The following KDM2B variants were observed in gnomAD, a reference collection of about 807,000 sequenced individuals.
The protein encoded by KDM2B is lysine demethylase 2B, also known as lysine-specific demethylase 2B.
In KDM2B, 26 loss-of-function variants were observed where a neutral mutation model predicts 150.0. The observed-to-expected ratio is 0.17, with a 90% confidence interval of 0.13 to 0.24. The LOEUF (loss-of-function observed/expected upper bound fraction) is 0.24. Ranked by LOEUF, KDM2B falls within the 10% of genes least tolerant of loss-of-function variation. The pLI is 1.00. For synonymous variants in KDM2B, 734 were observed against 729.5 expected (o/e 1.01, Z -0.10); for missense variants, 1,265 against 1,816.9 (o/e 0.70, Z 5.52).
rs971161285 is a variant in KDM2B at position 121,429,196 on chromosome 12, T to C, written c.*1092A>G. Reference sequence around the variant, plus strand: ...TTCAAGAGTGGTTTTTTTTGTACAATTGTTTATACAAATTCAACAAAGGTA... The same window carrying C: ...TTCAAGAGTGGTTTTTTTTGTACAACTGTTTATACAAATTCAACAAAGGTA... On this transcript the variant is annotated 3_prime_UTR_variant, in exon 23 of 23. Transcript: ENST00000377071. 1 of 152,582 alleles carries C rather than the reference T, an allele frequency of 6.6e-6. No homozygotes were observed. Among genetic ancestry groups the C allele is most frequent in the Non-Finnish European group, 1.5e-5 (1 of 68,030 alleles). 9.5% of individuals were successfully genotyped at this position (152,582 alleles called of 1,614,324 possible). A position where few individuals can be genotyped will look rare whatever the true frequency, so the allele number is the denominator to read the frequency against.
chr12:121,442,405 C>T lies in KDM2B; in HGVS notation c.3036G>A (p.Leu1012=). The T allele has an allele frequency of 6.3e-7, 1 of 1,597,016 alleles. No individual in the cohort carries two copies. Among genetic ancestry groups the T allele is most frequent in the Non-Finnish European group, 8.5e-7 (1 of 1,175,568 alleles). ...NGTPRELRHQ[L]GPSLRSPPRV... ...GGGGCGGGCTGCGCAGGCTGGGCCC[C>T]AGCTGGTGCCGCAGCTCCCGGGGGG... The change falls in exon 19 of 23, where the codon CTG becomes CTA. Residue 1012 remains leucine (L), a synonymous_variant. Transcript: ENST00000377071. This position sits in a 1 kb window ranked among gnomAD's most constrained non-coding sequence, Gnocchi z 7.7.
At chr12:121,431,797 G>A (rs1291730015) in intron 22 of KDM2B, among the ~76,000 whole-genome samples, 2 of 152,068 alleles carry the variant, frequency 1.3e-5, no homozygotes, top group Non-Finnish European at 2.9e-5. Context: ...CACAAGTGAA[G>A]GCCCTGCTTT....
intron 12 of KDM2B, among the ~76,000 whole-genome samples, chr12:121,457,739 TACACACACACACACACAC>T (rs138823282): frequency 2.1e-5 from 3 of 144,994 alleles, no homozygotes; most frequent in Non-Finnish European, 3.1e-5. Flanking sequence ...ATCGGAAACA[TACACACACACACACACAC>T]ACACACACAC....
At chr12:121,545,090 T>C (rs1888922135) in intron 6 of KDM2B, among the ~76,000 whole-genome samples, 1 of 152,174 alleles carries the variant, frequency 6.6e-6, no homozygotes, top group South Asian at 2.1e-4. Flanking sequence ...GAAAGCTCCA[T>C]GATTTCTAGA....
At chr12:121,476,300 A>G (rs1881368777) in intron 12 of KDM2B, among the ~76,000 whole-genome samples, 1 of 151,950 alleles carries the variant, frequency 6.6e-6, no homozygotes, top group Admixed American at 6.6e-5. Context: ...CGCCTCAAAA[A>G]AAAAAAAATT....
intron 4 of KDM2B, among the ~76,000 whole-genome samples, chr12:121,556,897 C>T (rs1172600165): frequency 6.7e-6 from 1 of 149,484 alleles, no homozygotes; most frequent in African/African-American, 2.5e-5. Flanking sequence ...TTTATAGCAA[C>T]ACAAAGTGAA....
intron 22 of KDM2B, 117 bp downstream of exon 22, chr12:121,439,740 G>C (rs1229888939): frequency 1.3e-6 from 1 of 755,800 alleles, no homozygotes. Flanking sequence ...CTCAGTAAAC[G>C]AGACACCTAG....
At chr12:121,579,286 G>C (rs1891752936) in intron 1 of KDM2B, among the ~76,000 whole-genome samples, 1 of 152,232 alleles carries the variant, frequency 6.6e-6, no homozygotes, top group Non-Finnish European at 1.5e-5. Flanking sequence ...CCCGCGAAGG[G>C]GGCTCCGGAC....
intron 12 of KDM2B, among the ~76,000 whole-genome samples, chr12:121,490,861 C>G (rs1483616837): frequency 6.6e-6 from 1 of 152,136 alleles, no homozygotes; most frequent in Non-Finnish European, 1.5e-5. Flanking sequence ...GAGATCAAAG[C>G]ATTTCTTGCT....
In KDM2B at chr12:121,546,624, C is replaced by T. The variant is rs766292567; in HGVS notation, c.683+2253G>A. Among the ~76,000 whole-genome samples, 4 of 151,038 alleles carry T rather than the reference C, an allele frequency of 2.6e-5. 1 individual carries two copies. The highest frequency in any genetic ancestry group is 4.4e-5 in the Non-Finnish European group (3 of 67,860). Reference sequence around the variant, plus strand: ...TTCACCATGTTAGCCAGGATGGTCTCGATCTCCTGACCTCGTGATCTGCCC... The same window carrying T: ...TTCACCATGTTAGCCAGGATGGTCTTGATCTCCTGACCTCGTGATCTGCCC... On this transcript the variant is annotated intron_variant, in intron 6 of 22. Transcript: ENST00000377071.
chr12:121,546,701 C>G (rs1555310758), intron 6 of KDM2B, among the ~76,000 whole-genome samples: 1 of 149,908 alleles, frequency 6.7e-6, no homozygotes, highest in African/African-American at 2.5e-5. Context: ...CCGCGCCCAG[C>G]CTCTTTGTCT....
At chr12:121,457,323 G>A (rs111782135) in intron 12 of KDM2B, among the ~76,000 whole-genome samples, 11,384 of 151,732 alleles carry the variant, frequency 0.075, 601 homozygotes, top group South Asian at 0.23. Context: ...GTGCAGTGGC[G>A]TCATCTTGGC....
intron 12 of KDM2B, among the ~76,000 whole-genome samples, chr12:121,466,097 G>A (rs1879868128): frequency 2.0e-5 from 3 of 151,622 alleles, no homozygotes; most frequent in South Asian, 4.2e-4. Context: ...CGATTTAAGC[G>A]CAGCCTATAG....
At chr12:121,554,472 G>A (rs936738494) in intron 4 of KDM2B, among the ~76,000 whole-genome samples, 1 of 151,608 alleles carries the variant, frequency 6.6e-6, no homozygotes, top group African/African-American at 2.4e-5. Flanking sequence ...TGGCGATGGC[G>A]CGATCTCGGC....
At chr12:121,437,979 C>T (rs114321248) in intron 22 of KDM2B, among the ~76,000 whole-genome samples, 1,907 of 151,846 alleles carry the variant, frequency 0.013, 47 homozygotes, top group African/African-American at 0.044. Context: ...GCAGGCCAGG[C>T]GTGGTGGCAC....
At chr12:121,535,583 T>A (rs1174645990) in intron 6 of KDM2B, among the ~76,000 whole-genome samples, 3 of 152,198 alleles carry the variant, frequency 2.0e-5, no homozygotes, top group Non-Finnish European at 4.4e-5. Context: ...AAGGCTGTTA[T>A]AAACAAGTAA....
rs1487308681 is a variant in KDM2B, at chr12:121,557,179, C to T, written c.398-7541G>A. ...GATACAGGGTCTTTGCTGACGTGAT[C>T]AAGCTAGAATGAGATCATATGGGAT... On this transcript the variant is annotated intron_variant, in intron 4 of 22. Transcript: ENST00000377071. Among the ~76,000 whole-genome samples the T allele has an allele frequency of 1.3e-4, 19 of 150,882 alleles. No individual in the cohort carries two copies. In the Middle Eastern group the frequency reaches 0.01, roughly 82 times the overall value.
chr12:121,440,900 G>C lies in KDM2B; in HGVS notation c.3526C>G (p.Arg1176Gly). The C allele has an allele frequency of 6.2e-7, 1 of 1,614,058 alleles. No individual in the cohort carries two copies. Reference protein sequence around the residue: ...ALCSSSCPLLRTLDVQWVEGL... With the variant: ...ALCSSSCPLLGTLDVQWVEGL... ...TCCACCCACTGGACATCCAGGGTCC[G>C]GAGCAGCGGACAACTGGAGCTGCAA... The change falls in exon 21 of 23, where the codon CGG becomes GGG. Residue 1176 changes from arginine (R) to glycine (G), a missense_variant. Physicochemically the swap from Arg to Gly is moderately radical, Grantham distance 125. This residue lies in a region of KDM2B where 251 missense variants were observed against 397.8 expected (regional missense o/e 0.63). Coordinates refer to ENST00000377071, the MANE Select transcript of KDM2B (RefSeq NM_032590.5).
downstream of KDM2B, among the ~76,000 whole-genome samples, chr12:121,428,195 ATCTT>A (rs527252314): frequency 5.3e-5 from 8 of 151,746 alleles, no homozygotes; most frequent in South Asian, 1.3e-3. Flanking sequence ...TCTAGATGAG[ATCTT>A]TCTCTTTTTT....
Sources: allele counts gnomAD v4.1 joint callset (sites outside exome capture counted in the v4.1 genomes callset), GRCh38; gene constraint gnomAD v4.1.1; regional missense constraint gnomAD v4.1.1; non-coding constraint Gnocchi (gnomAD v3.1); transcripts MANE v1.5; gene names NCBI Gene and HGNC (gene_info 2026-07-23, HGNC 2026-07-21).